Variants in MICAL3 observed in about 807,000 individuals in gnomAD.
The protein encoded by MICAL3 is [F-actin]-monooxygenase MICAL3.
In MICAL3, 62 loss-of-function variants were observed where a neutral mutation model predicts 207.4. The ratio of observed to expected loss-of-function variants is 0.30; its 90% CI spans 0.24 to 0.37. The LOEUF (loss-of-function observed/expected upper bound fraction) is 0.37. MICAL3 is among the 10% of genes least tolerant of loss of function. The probability of loss-of-function intolerance (pLI) is 1.00; values close to 1 mark genes in which losing one functional copy is unlikely to be tolerated. For missense variants in MICAL3, 2,368 were observed against 2,635.6 expected (o/e 0.90, Z 2.22); for synonymous variants, 1,077 against 1,069.3 (o/e 1.01, Z -0.14).
At position 17,880,900 on chromosome 22, in the gene MICAL3, T is replaced by C. The variant is rs143124710; in HGVS notation, c.2241+4978A>G. 3.3e-3 allele frequency among the ~76,000 whole-genome samples: 503 copies of C among 152,316 alleles called. 4 individuals are homozygous for C. The highest frequency in any genetic ancestry group is 0.012 in the African/African-American group (481 of 41,566). On this transcript the variant is annotated intron_variant, in intron 16 of 31. Transcript: ENST00000441493. ...TCAGTGGGGTTTTAGAAAAACAGGC[T>C]GCTCTCAGGGCTCCTGGGCCTCGGA...
intron 1 of MICAL3, among the ~76,000 whole-genome samples, chr22:18,007,849 G>A (rs1050739119): frequency 6.7e-6 from 1 of 149,950 alleles, no homozygotes; most frequent in Non-Finnish European, 1.5e-5. Context: ...CGTGAACCCG[G>A]GGGGTGGAGC....
chr22:17,916,389 G>A (rs910592714), intron 1 of MICAL3, among the ~76,000 whole-genome samples: 5 of 152,076 alleles, frequency 3.3e-5, no homozygotes, highest in Admixed American at 1.3e-4. Flanking sequence ...GCAAGGACAC[G>A]TCTTTCAACA....
chr22:17,798,744 G>A (rs1406524719), intron 29 of MICAL3, among the ~76,000 whole-genome samples: 5 of 146,420 alleles, frequency 3.4e-5, no homozygotes, highest in Non-Finnish European at 1.5e-5. Context: ...CGCGATCTCG[G>A]CTCACTGCAA....
At chr22:17,923,705 T>A (rs1457945013) in intron 1 of MICAL3, among the ~76,000 whole-genome samples, 2 of 152,222 alleles carry the variant, frequency 1.3e-5, no homozygotes, top group Non-Finnish European at 2.9e-5. Context: ...TTCTTTGGCT[T>A]GCTCCAAGGA....
chr22:17,938,332 C>G (rs926932101), intron 1 of MICAL3, among the ~76,000 whole-genome samples: 2 of 152,156 alleles, frequency 1.3e-5, no homozygotes, highest in Admixed American at 1.3e-4. Context: ...ATAGGGGGAC[C>G]AGAGCAACCA....
intron 28 of MICAL3, among the ~76,000 whole-genome samples, chr22:17,810,132 G>C (rs1002758127): frequency 4.8e-5 from 7 of 147,092 alleles, no homozygotes; most frequent in Admixed American, 1.4e-4. Context: ...GCACAATCTC[G>C]GCTCACTGCA....
chr22:17,848,121 G>C (rs1397827947), intron 19 of MICAL3, among the ~76,000 whole-genome samples: 2 of 152,216 alleles, frequency 1.3e-5, no homozygotes, highest in South Asian at 2.1e-4. Flanking sequence ...GAAACGGCCA[G>C]GTTGGCAGCA....
chr22:17,978,016 C>CT (rs1235277869), intron 1 of MICAL3, among the ~76,000 whole-genome samples: 1 of 151,556 alleles, frequency 6.6e-6, no homozygotes, highest in Non-Finnish European at 1.5e-5. Context: ...GAGTGAAACT[C>CT]TGTCTCATAA....
At chr22:17,877,183 A>AGGTG in intron 16 of MICAL3, among the ~76,000 whole-genome samples, 1 of 94,222 alleles carries the variant, frequency 1.1e-5, no homozygotes, top group Non-Finnish European at 2.1e-5. Context: ...GAGGTTAGGG[A>AGGTG]AGTTATGGAG....
intron 1 of MICAL3, among the ~76,000 whole-genome samples, chr22:17,930,234 A>G (rs1240757675): frequency 1.3e-5 from 2 of 152,234 alleles, no homozygotes; most frequent in Non-Finnish European, 2.9e-5. Context: ...ACCACTATGG[A>G]AAATTGTTCA....
intron 1 of MICAL3, among the ~76,000 whole-genome samples, chr22:18,017,899 C>T (rs34744521): frequency 0.13 from 19,557 of 151,940 alleles, 1,701 homozygotes; most frequent in Non-Finnish European, 0.19. Context: ...TACAGGTGCC[C>T]GCCACCACGC....
chr22:17,920,882 C>T (rs9605430), intron 1 of MICAL3, among the ~76,000 whole-genome samples: 15,819 of 152,026 alleles, frequency 0.1, 1,836 homozygotes, highest in African/African-American at 0.29. Context: ...CCGAGATTCC[C>T]AGTGTGAAAG....
intron 1 of MICAL3, among the ~76,000 whole-genome samples, chr22:17,935,156 T>A (rs2146326022): frequency 6.6e-6 from 1 of 152,124 alleles, no homozygotes; most frequent in South Asian, 2.1e-4. Flanking sequence ...GCTGGAGGGA[T>A]CACGCTATCT....
chr22:17,877,230 G>A (rs796563228), intron 16 of MICAL3, among the ~76,000 whole-genome samples: 6 of 93,914 alleles, frequency 6.4e-5, no homozygotes, highest in South Asian at 3.0e-4. Context: ...GGTTAGGGAG[G>A]TTATGGAGGT....
At chr22:17,957,973 G>A (rs1173883756) in intron 1 of MICAL3, among the ~76,000 whole-genome samples, 1 of 152,080 alleles carries the variant, frequency 6.6e-6, no homozygotes, top group Non-Finnish European at 1.5e-5. Context: ...CGTGGAGTTA[G>A]ACCAAGGAAG....
chr22:17,881,888 T>C (rs1929464577), intron 16 of MICAL3, among the ~76,000 whole-genome samples: 1 of 151,998 alleles, frequency 6.6e-6, no homozygotes, highest in South Asian at 2.1e-4. Flanking sequence ...CCCTGGCTTT[T>C]CCCTCATTTC....
At chr22:17,959,172 C>T (rs1167041959) in intron 1 of MICAL3, among the ~76,000 whole-genome samples, 19 of 150,052 alleles carry the variant, frequency 1.3e-4, no homozygotes, top group African/African-American at 3.7e-4. Flanking sequence ...CCCACCACCA[C>T]GCCCGGCTAA....
At chr22:17,844,355 G>A (rs533839858) in intron 19 of MICAL3, among the ~76,000 whole-genome samples, 1 of 152,344 alleles carries the variant, frequency 6.6e-6, no homozygotes, top group East Asian at 1.9e-4. Context: ...AAAGGAAAGC[G>A]GCAGGTGATT....
chr22:18,006,910 G>A (rs1923424462), intron 1 of MICAL3, among the ~76,000 whole-genome samples: 1 of 152,222 alleles, frequency 6.6e-6, no homozygotes, highest in Admixed American at 6.5e-5. Flanking sequence ...GGACTGGAGT[G>A]CAGTGGTGCA....
Sources: allele counts gnomAD v4.1 joint callset (sites outside exome capture counted in the v4.1 genomes callset), GRCh38; gene constraint gnomAD v4.1.1; transcripts MANE v1.5; gene names NCBI Gene and HGNC (gene_info 2026-07-23, HGNC 2026-07-21).